SLC6A6: variants seen among roughly 807,000 people sequenced by gnomAD.
SLC6A6 encodes solute carrier family 6 member 6, also known as sodium- and chloride-dependent taurine transporter.
In SLC6A6, 16 loss-of-function variants were observed where a neutral mutation model predicts 68.8. The observed-to-expected ratio is 0.23, with a 90% CI of 0.16 to 0.35. The LOEUF (loss-of-function observed/expected upper bound fraction) is 0.35. Among genes scored for constraint, SLC6A6 ranks in the 10% least tolerant of loss-of-function variants. The pLI is 1.00. For missense variants in SLC6A6, 474 were observed against 802.8 expected (o/e 0.59, Z 4.95); for synonymous variants, 312 against 315.4 (o/e 0.99, Z 0.12).
intron 6 of SLC6A6, among the ~76,000 whole-genome samples, chr3:14,458,617 G>T (rs960647424): frequency 6.6e-6 from 1 of 152,212 alleles, no homozygotes; most frequent in African/African-American, 2.4e-5. Flanking sequence ...CCAAGGCTGC[G>T]TTGTAACATT....
intron 2 of SLC6A6, among the ~76,000 whole-genome samples, chr3:14,429,467 A>T (rs1699673854): frequency 6.6e-6 from 1 of 152,216 alleles, no homozygotes; most frequent in Non-Finnish European, 1.5e-5. Context: ...CAGCCCCTAG[A>T]TGCTCACAGT....
At position 14,457,800 on chromosome 3, in the gene SLC6A6, G is replaced by A. The variant is rs1700402890; in HGVS notation, c.600-150G>A. 1.2e-5 allele frequency: 8 copies of A among 669,664 alleles called. No homozygotes were observed. The Admixed American group carries it at 2.1e-4, about 18-fold the overall frequency. 41.5% of individuals were successfully genotyped at this position (669,664 alleles called of 1,614,324 possible). On this transcript the variant is annotated intron_variant, in intron 5 of 14. Coordinates refer to ENST00000622186, the MANE Select transcript of SLC6A6 (RefSeq NM_003043.6). The stretch of plus-strand genomic sequence containing the variant: ...AACAACTCTGTCTCAAGACAAATGG[G>A]GATTCCTGGGTTTGGAAAGGTGAGG...
At chr3:14,482,311 A>T (rs988813542) in intron 14 of SLC6A6, among the ~76,000 whole-genome samples, 1 of 152,194 alleles carries the variant, frequency 6.6e-6, no homozygotes, top group Non-Finnish European at 1.5e-5. Context: ...AGCCAAATTT[A>T]GGATCATCCC....
intron 6 of SLC6A6, among the ~76,000 whole-genome samples, chr3:14,465,245 C>T (rs901358448): frequency 2.0e-5 from 3 of 152,230 alleles, no homozygotes; most frequent in Admixed American, 6.5e-5. Flanking sequence ...ACAAACAGCG[C>T]TTGCAGGACA....
intron 1 of SLC6A6, 49 bp from the exon 2 acceptor site, chr3:14,416,363 C>T (rs73815262): frequency 0.015 from 5,784 of 398,628 alleles, 276 homozygotes; most frequent in African/African-American, 0.1. Flanking sequence ...CACAGTCTGC[C>T]TCTGACCAGA....
At chr3:14,453,996 C>A (rs575609299) in intron 5 of SLC6A6, among the ~76,000 whole-genome samples, 1 of 152,192 alleles carries the variant, frequency 6.6e-6, no homozygotes, top group Admixed American at 6.5e-5. Context: ...GGCGCCCGCA[C>A]CCGCAGCCTG....
chr3:14,458,199 G>T, intron 6 of SLC6A6, 117 bp downstream of exon 6: 1 of 922,214 alleles, frequency 1.1e-6, no homozygotes, highest in Non-Finnish European at 1.8e-6. Flanking sequence ...CAGTGGTGGC[G>T]TGCTGGTAAG....
chr3:14,458,593 C>T (rs1700423509), intron 6 of SLC6A6, among the ~76,000 whole-genome samples: 1 of 152,238 alleles, frequency 6.6e-6, no homozygotes, highest in Non-Finnish European at 1.5e-5. Context: ...GGGCCTGCCC[C>T]AAACCTACAA....
rs542315317 is a variant in SLC6A6 at position 14,476,344 on chromosome 3, G to A, written c.1210-861G>A. ...GTTTTATCAATTAAAAAATGAGGCA[G>A]CTTTCTGTGTAATGATGTGGAACAA... On this transcript the variant is annotated intron_variant, in intron 10 of 14. Transcript: ENST00000622186. 5.9e-5 allele frequency among the ~76,000 whole-genome samples: 9 copies of A among 152,300 alleles called. No homozygotes were observed. In the South Asian group the frequency reaches 1.5e-3, roughly 25 times the overall value.
intron 7 of SLC6A6, among the ~76,000 whole-genome samples, chr3:14,466,984 C>G (rs950891225): frequency 5.3e-5 from 8 of 152,358 alleles, no homozygotes; most frequent in Admixed American, 1.3e-4. Context: ...CTGCCCACTG[C>G]AGCCACAAGG....
At chr3:14,412,972 C>G (rs1327686365) in intron 1 of SLC6A6, among the ~76,000 whole-genome samples, 3 of 152,250 alleles carry the variant, frequency 2.0e-5, no homozygotes, top group African/African-American at 7.2e-5. Flanking sequence ...GTTGGGGAAG[C>G]CTTTCACTAC....
intron 6 of SLC6A6, among the ~76,000 whole-genome samples, chr3:14,464,252 G>A (rs1441433340): frequency 2.0e-5 from 3 of 152,180 alleles, no homozygotes; most frequent in African/African-American, 7.2e-5. Flanking sequence ...GGGAGAATCA[G>A]TAAACTGCCA....
intron 5 of SLC6A6, among the ~76,000 whole-genome samples, chr3:14,451,234 G>A (rs1700245029): frequency 6.6e-6 from 1 of 152,224 alleles, no homozygotes; most frequent in Admixed American, 6.5e-5. Flanking sequence ...TGCTCACTGG[G>A]TGCTGAATCT....
chr3:14,469,158 GCA>G (rs1219345004), intron 9 of SLC6A6, among the ~76,000 whole-genome samples: 1 of 152,074 alleles, frequency 6.6e-6, no homozygotes, highest in Non-Finnish European at 1.5e-5. Flanking sequence ...CCCCGGCCCT[GCA>G]CAGTTTACTT....
At chr3:14,454,962 T>C (rs917807982) in intron 5 of SLC6A6, among the ~76,000 whole-genome samples, 1 of 152,228 alleles carries the variant, frequency 6.6e-6, no homozygotes, top group Non-Finnish European at 1.5e-5. Flanking sequence ...CACAGAACTT[T>C]CCTGTTTTAC....
chr3:14,464,778 C>G (rs1559308263), intron 6 of SLC6A6, among the ~76,000 whole-genome samples: 1 of 152,232 alleles, frequency 6.6e-6, no homozygotes, highest in South Asian at 2.1e-4. Flanking sequence ...TCAGTTTCCT[C>G]TCCTGTAAAA....
In SLC6A6 at chr3:14,420,523, C is replaced by T. The variant is rs1156880145; in HGVS notation, c.-12+4070C>T. Among the ~76,000 whole-genome samples the T allele has an allele frequency of 2.2e-5, 3 of 136,844 alleles. No homozygotes were observed. The Admixed American group carries it at 2.3e-4, about 10-fold the overall frequency. 89.8% of individuals were successfully genotyped at this position (136,844 alleles called of 152,430 possible). A position where few individuals can be genotyped will look rare whatever the true frequency, so the allele number is the denominator to read the frequency against. On this transcript the variant is annotated intron_variant, in intron 2 of 14. Coordinates refer to ENST00000622186, the MANE Select transcript of SLC6A6 (RefSeq NM_003043.6). ...TTTTTTTTTTTGAGACAGAGTCTTG[C>T]TCTGTCACCCAGGCTGGAGAGCAGT...
At chr3:14,482,073 G>A (rs575043236) in intron 14 of SLC6A6, among the ~76,000 whole-genome samples, 6 of 152,362 alleles carry the variant, frequency 3.9e-5, no homozygotes, top group African/African-American at 9.6e-5. Flanking sequence ...GGGCTGTGGG[G>A]TGAGGAGGAA....
chr3:14,438,081 G>C (rs1559295216), intron 2 of SLC6A6, among the ~76,000 whole-genome samples: 1 of 149,402 alleles, frequency 6.7e-6, no homozygotes. Context: ...CTGACCTCAA[G>C]TGATCTGCCC....
Sources: allele counts gnomAD v4.1 joint callset (sites outside exome capture counted in the v4.1 genomes callset), GRCh38; gene constraint gnomAD v4.1.1; transcripts MANE v1.5; gene names NCBI Gene and HGNC (gene_info 2026-07-23, HGNC 2026-07-21).